The following NAV2 variants were observed in gnomAD, a reference collection of about 807,000 sequenced individuals.
NAV2 encodes the protein neuron navigator 2.
NAV2 carries 54 observed loss-of-function variants against 223.2 expected under a neutral mutation model. The observed-to-expected ratio is 0.24, with a 90% CI of 0.19 to 0.30. The LOEUF (loss-of-function observed/expected upper bound fraction) is 0.30, where lower values mean the gene tolerates loss of function less well. Among genes scored for constraint, NAV2 ranks in the 10% least tolerant of loss-of-function variants. The pLI is 1.00. For missense variants in NAV2, 2,806 were observed against 3,147.5 expected (o/e 0.89, Z 2.60); for synonymous variants, 1,279 against 1,239.3 (o/e 1.03, Z -0.67).
intron 10 of NAV2, among the ~76,000 whole-genome samples, chr11:19,974,868 G>A (rs1040309821): frequency 6.6e-6 from 1 of 152,200 alleles, no homozygotes; most frequent in Non-Finnish European, 1.5e-5. Flanking sequence ...CTCTTAAAAA[G>A]TAAAGTCTGT....
intron 11 of NAV2, among the ~76,000 whole-genome samples, chr11:19,993,051 A>G (rs1355566732): frequency 6.6e-6 from 1 of 152,222 alleles, no homozygotes; most frequent in Non-Finnish European, 1.5e-5. Flanking sequence ...ACCTTTCTCT[A>G]TGCCAACTCC....
At chr11:19,439,628 T>G (rs1851330505) in intron 1 of NAV2, among the ~76,000 whole-genome samples, 1 of 152,246 alleles carries the variant, frequency 6.6e-6, no homozygotes, top group Non-Finnish European at 1.5e-5. Context: ...TACCTGTGTT[T>G]ATTTTCTATG....
intron 19 of NAV2, 46 bp downstream of exon 19, chr11:20,056,003 C>G: frequency 6.4e-7 from 1 of 1,552,916 alleles, no homozygotes; most frequent in South Asian, 1.2e-5. Flanking sequence ...TTCCATCTCC[C>G]AGGTTACTCA....
intron 1 of NAV2, among the ~76,000 whole-genome samples, chr11:19,699,913 A>G (rs2049460718): frequency 6.6e-6 from 1 of 152,174 alleles, no homozygotes; most frequent in Admixed American, 6.5e-5. Flanking sequence ...AGCTCTGCAC[A>G]TACAGATCCC....
At chr11:19,545,134 C>T (rs2044457988) in intron 1 of NAV2, among the ~76,000 whole-genome samples, 1 of 152,174 alleles carries the variant, frequency 6.6e-6, no homozygotes, top group Non-Finnish European at 1.5e-5. Context: ...TCTTGTGTAC[C>T]TGCTGCACAC....
rs1300742206 is a variant in NAV2 at position 20,119,718 on chromosome 11, C to A, written c.*1460C>A. On this transcript the variant is annotated 3_prime_UTR_variant, in exon 38 of 38. Coordinates refer to ENST00000349880, the MANE Select transcript of NAV2 (RefSeq NM_145117.5). ...TTTGTCATTGTTTTCCCCATTGAAA[C>A]AAACAGGGCTAAAAAGTCATCTGTT... The A allele has an allele frequency of 6.6e-5, 10 of 152,214 alleles. No individual in the cohort carries two copies. The highest frequency in any genetic ancestry group is 6.6e-4 in the Admixed American group (10 of 15,256). 9.4% of individuals were successfully genotyped at this position (152,214 alleles called of 1,614,324 possible).
intron 1 of NAV2, among the ~76,000 whole-genome samples, chr11:19,513,151 C>T (rs1455638414): frequency 6.6e-6 from 1 of 152,180 alleles, no homozygotes; most frequent in Non-Finnish European, 1.5e-5. Flanking sequence ...CTTGCTTCTG[C>T]TGCAGCAATG....
chr11:19,874,310 A>T (rs1311537053), intron 4 of NAV2, among the ~76,000 whole-genome samples: 1 of 152,180 alleles, frequency 6.6e-6, no homozygotes. Context: ...TGGCCCATGC[A>T]ATTTGCTTTT....
chr11:19,960,474 C>G (rs1391680518), intron 10 of NAV2, among the ~76,000 whole-genome samples: 1 of 152,048 alleles, frequency 6.6e-6, no homozygotes, highest in Non-Finnish European at 1.5e-5. Flanking sequence ...GATGGCCTAC[C>G]ATTTTATTGT....
intron 1 of NAV2, among the ~76,000 whole-genome samples, chr11:19,429,233 T>C (rs1241798758): frequency 6.6e-6 from 1 of 152,206 alleles, no homozygotes; most frequent in Non-Finnish European, 1.5e-5. Flanking sequence ...GCAGGGCTGG[T>C]ACTCTGTGAA....
In NAV2 at chr11:20,103,661, T is replaced by A; in HGVS notation, c.6581T>A (p.Ile2194Lys). 6.2e-7 allele frequency: 1 copy of A among 1,614,070 alleles called. No individual in the cohort carries two copies. The highest frequency in any genetic ancestry group is 8.5e-7 in the Non-Finnish European group (1 of 1,179,970). The change falls in exon 34 of 38, where the codon ATA (isoleucine) becomes AAA (lysine). Residue 2194 changes from isoleucine to lysine, a missense_variant. Transcript: ENST00000349880. ...LNCKYHKCPY[I>K]IGTMNQATSS... ...CTTTATTTTATCCGCAGCCCTTACATAATTGGCACAATGAACCAGGCTACC... is the reference window on the plus strand; with the variant it reads ...CTTTATTTTATCCGCAGCCCTTACAAAATTGGCACAATGAACCAGGCTACC...
In NAV2 at chr11:19,431,554, CA is replaced by C. The variant is rs202172780; in HGVS notation, c.75+80530del. The stretch of plus-strand genomic sequence containing the variant: ...GTTGCACTAGAACAGTTTTTCTGGC[CA>C]AAGTGAGGTTGGGGCTGGGTGCTGA... On this transcript the variant is annotated intron_variant, in intron 1 of 37. Coordinates refer to the NAV2 transcript ENST00000360655. 8.3e-3 allele frequency among the ~76,000 whole-genome samples: 1,263 copies of C among 152,260 alleles called. 21 individuals carry two copies. Among genetic ancestry groups the C allele is most frequent in the African/African-American group, 0.029 (1,196 of 41,556 alleles).
At chr11:19,986,461 A>G (rs541220702) in intron 11 of NAV2, among the ~76,000 whole-genome samples, 2 of 152,308 alleles carry the variant, frequency 1.3e-5, no homozygotes, top group African/African-American at 4.8e-5. Flanking sequence ...CTCTACTAAG[A>G]ATGCAAAAAT....
intron 1 of NAV2, among the ~76,000 whole-genome samples, chr11:19,825,108 A>G (rs941858474): frequency 2.6e-5 from 4 of 151,948 alleles, no homozygotes; most frequent in Admixed American, 2.0e-4. Flanking sequence ...CCAGGCCAAC[A>G]TGGTGAAACC....
chr11:19,950,286 C>T lies in NAV2; in HGVS notation c.2645+1206C>T, dbSNP rs2047274276. Among the ~76,000 whole-genome samples, 2 of 152,178 alleles carry T rather than the reference C, an allele frequency of 1.3e-5. 1 individual carries two copies. Among genetic ancestry groups the T allele is most frequent in the South Asian group, 4.1e-4 (2 of 4,828 alleles). On this transcript the variant is annotated intron_variant, in intron 10 of 37. Coordinates refer to ENST00000349880, the MANE Select transcript of NAV2 (RefSeq NM_145117.5). The stretch of plus-strand genomic sequence containing the variant: ...AAATAATAGCTAACTCTCCTATATG[C>T]CAAACACAGTGCTAGGTGCTTTACT...
Position 20,045,372 on chromosome 11 carries a change from C to T in NAV2, c.3604C>T (p.Arg1202Trp), listed in dbSNP as rs771301065. Residue 1202 changes from arginine to tryptophan, a missense_variant, in exon 14 of 38, where the codon CGG (arginine) becomes TGG (tryptophan). Physicochemically the swap from Arg to Trp is moderately radical, Grantham distance 101. Coordinates refer to ENST00000349880, the MANE Select transcript of NAV2 (RefSeq NM_145117.5). ...SLPRPSKSNS[R>W]NGAGNRSSTS... ...GCCGAGGCCCAGTAAGTCCAACAGC[C>T]GGAACGGGGCTGGGAACAGGTCTAG... is the stretch of plus-strand genomic sequence containing the variant. 8.1e-6 allele frequency: 13 copies of T among 1,614,008 alleles called. No individual in the cohort carries two copies. Among genetic ancestry groups the T allele is most frequent in the African/African-American group, 2.7e-5 (2 of 74,900 alleles).
At chr11:19,801,951 A>G (rs2058292896) in intron 1 of NAV2, among the ~76,000 whole-genome samples, 1 of 152,176 alleles carries the variant, frequency 6.6e-6, no homozygotes, top group Admixed American at 6.5e-5. Flanking sequence ...AATAATTATC[A>G]TTGCTGACCT....
At chr11:19,685,690 C>T (rs907305882) in intron 1 of NAV2, among the ~76,000 whole-genome samples, 2 of 152,152 alleles carry the variant, frequency 1.3e-5, no homozygotes, top group African/African-American at 4.8e-5. Flanking sequence ...GACTTGGAAA[C>T]TGGATCTAGC....
chr11:19,466,593 T>A (rs1852359731), intron 1 of NAV2, among the ~76,000 whole-genome samples: 1 of 152,230 alleles, frequency 6.6e-6, no homozygotes, highest in Non-Finnish European at 1.5e-5. Context: ...TCTTCGACTC[T>A]TGAATGCACT....
Sources: gnomAD v4.1 joint callset for allele counts (sites outside exome capture counted in the v4.1 genomes callset) on GRCh38, gnomAD v4.1.1 for gene constraint, MANE v1.5 for transcripts, NCBI Gene and HGNC (gene_info 2026-07-23, HGNC 2026-07-21) for gene names.